ROBO2: variants seen among roughly 807,000 people sequenced by gnomAD.
The protein encoded by ROBO2 is roundabout guidance receptor 2.
Under a neutral mutation model 160.8 loss-of-function variants are expected in ROBO2, and 53 were observed. The ratio of observed to expected loss-of-function variants is 0.33; its 90% CI spans 0.26 to 0.41. The LOEUF (loss-of-function observed/expected upper bound fraction) is 0.41, where lower values mean the gene tolerates loss of function less well. Ranked by LOEUF, ROBO2 falls within the 10% of genes least tolerant of loss-of-function variation. The pLI is 1.00. For synonymous variants in ROBO2, 664 were observed against 611.7 expected (o/e 1.09, Z -1.26); for missense variants, 1,577 against 1,722.4 (o/e 0.92, Z 1.49).
intron 2 of ROBO2, among the ~76,000 whole-genome samples, chr3:76,938,885 C>A (rs956684518): frequency 6.6e-6 from 1 of 150,710 alleles, no homozygotes; most frequent in Non-Finnish European, 1.5e-5. Context: ...GCAGGAGAAT[C>A]GCTTAAACCC....
chr3:77,338,028 C>A (rs2066666869), intron 2 of ROBO2, among the ~76,000 whole-genome samples: 1 of 152,038 alleles, frequency 6.6e-6, no homozygotes, highest in East Asian at 1.9e-4. Flanking sequence ...TTCCAATAAA[C>A]AACTTCAATC....
intron 2 of ROBO2, among the ~76,000 whole-genome samples, chr3:76,207,796 T>C (rs1371394463): frequency 6.6e-6 from 1 of 152,196 alleles, no homozygotes; most frequent in Non-Finnish European, 1.5e-5. Context: ...TAGATTTTAT[T>C]AAGAAGATGA....
At chr3:77,610,454 C>A (rs1376532213) in intron 21 of ROBO2, among the ~76,000 whole-genome samples, 2 of 152,106 alleles carry the variant, frequency 1.3e-5, no homozygotes, top group East Asian at 3.9e-4. Context: ...CTAATAATCT[C>A]CCCACAGAAA....
intron 2 of ROBO2, among the ~76,000 whole-genome samples, chr3:76,597,617 G>A (rs1578410362): frequency 6.6e-6 from 1 of 152,064 alleles, no homozygotes; most frequent in South Asian, 2.1e-4. Flanking sequence ...TGTTCTTGTG[G>A]ATGCAGAGAA....
At chr3:77,502,708 A>C (rs2087797228) in intron 5 of ROBO2, among the ~76,000 whole-genome samples, 1 of 152,194 alleles carries the variant, frequency 6.6e-6, no homozygotes, top group African/African-American at 2.4e-5. Flanking sequence ...AAAATACAGT[A>C]TTACAATGAT....
chr3:76,637,904 A>C (rs773809704), intron 2 of ROBO2, among the ~76,000 whole-genome samples: 3 of 152,198 alleles, frequency 2.0e-5, no homozygotes, highest in Non-Finnish European at 4.4e-5. Context: ...TTCTTGAAAT[A>C]CTATTGAGTC....
At chr3:76,124,882 A>G (rs1313683421) in intron 2 of ROBO2, among the ~76,000 whole-genome samples, 2 of 152,144 alleles carry the variant, frequency 1.3e-5, no homozygotes, top group African/African-American at 2.4e-5. Flanking sequence ...CAGAGGGTAC[A>G]TATGCAGATT....
At chr3:76,905,269 G>A (rs1339058774) in intron 2 of ROBO2, among the ~76,000 whole-genome samples, 1 of 152,082 alleles carries the variant, frequency 6.6e-6, no homozygotes, top group East Asian at 1.9e-4. Flanking sequence ...TTGTCAGAAA[G>A]GGGAGGCGTT....
chr3:77,119,623 T>C (rs1359843219), intron 2 of ROBO2, among the ~76,000 whole-genome samples: 1 of 152,214 alleles, frequency 6.6e-6, no homozygotes, highest in Non-Finnish European at 1.5e-5. Flanking sequence ...ACGGATCTTA[T>C]CTGTTACCTC....
At chr3:77,617,328 T>C (rs1361861012) in intron 21 of ROBO2, among the ~76,000 whole-genome samples, 185 bp from the exon 23 acceptor site, 1 of 152,182 alleles carries the variant, frequency 6.6e-6, no homozygotes. Flanking sequence ...ACAGATGTAA[T>C]TACAATTAGA....
chr3:76,279,261 AT>A (rs1055967541), intron 2 of ROBO2, among the ~76,000 whole-genome samples: 2 of 150,490 alleles, frequency 1.3e-5, no homozygotes, highest in Non-Finnish European at 2.9e-5. Flanking sequence ...TTTAGGTAAG[AT>A]TTTTTTTAAA....
chr3:76,263,311 G>T (rs1245551495), intron 2 of ROBO2, among the ~76,000 whole-genome samples: 4 of 152,074 alleles, frequency 2.6e-5, no homozygotes, highest in Admixed American at 2.6e-4. Flanking sequence ...GGTCACTGCA[G>T]CTTGGAACTC....
At chr3:76,316,924 A>G (rs1407016491) in intron 2 of ROBO2, among the ~76,000 whole-genome samples, 1 of 152,226 alleles carries the variant, frequency 6.6e-6, no homozygotes, top group African/African-American at 2.4e-5. Flanking sequence ...ACAAATGTAG[A>G]TCACTTTATG....
chr3:77,151,765 A>G (rs546665385), intron 2 of ROBO2, among the ~76,000 whole-genome samples: 1 of 152,316 alleles, frequency 6.6e-6, no homozygotes, highest in South Asian at 2.1e-4. Flanking sequence ...TATGTCTTGC[A>G]TTAAAAATTG....
chr3:76,913,977 G>C (rs1027167302), intron 2 of ROBO2, among the ~76,000 whole-genome samples: 4 of 152,010 alleles, frequency 2.6e-5, no homozygotes, highest in African/African-American at 9.7e-5. Context: ...TACTCCTTTA[G>C]ATAAGTAACT....
intron 6 of ROBO2, among the ~76,000 whole-genome samples, chr3:77,545,957 G>C (rs2092681465): frequency 6.6e-6 from 1 of 152,054 alleles, no homozygotes; most frequent in African/African-American, 2.4e-5. Flanking sequence ...TGACTTTAGA[G>C]GAAGGAGATG....
chr3:76,371,792 T>A (rs2076115590), intron 2 of ROBO2, among the ~76,000 whole-genome samples: 1 of 151,944 alleles, frequency 6.6e-6, no homozygotes, highest in Non-Finnish European at 1.5e-5. Flanking sequence ...ATGGTTACTA[T>A]AATATTAAAT....
intron 2 of ROBO2, among the ~76,000 whole-genome samples, chr3:76,958,143 A>G (rs2079408274): frequency 1.3e-5 from 2 of 152,226 alleles, no homozygotes; most frequent in African/African-American, 2.4e-5. Context: ...TTCCAGACTA[A>G]GAGCTGCCTC....
chr3:77,402,258 G>A (rs2075866730), intron 2 of ROBO2, among the ~76,000 whole-genome samples: 1 of 151,964 alleles, frequency 6.6e-6, no homozygotes, highest in Admixed American at 6.6e-5. Flanking sequence ...GACACAGGGA[G>A]GGGAACATCA....
Sources: allele counts gnomAD v4.1 joint callset (sites outside exome capture counted in the v4.1 genomes callset), GRCh38; gene constraint gnomAD v4.1.1; transcripts MANE v1.5; gene names NCBI Gene and HGNC (gene_info 2026-07-23, HGNC 2026-07-21).